Variants in GRM7 observed in about 807,000 individuals in gnomAD.
GRM7 encodes glutamate metabotropic receptor 7.
In GRM7, 35 loss-of-function variants were observed where a neutral mutation model predicts 84.5. The observed-to-expected ratio is 0.41, with a 90% CI of 0.32 to 0.55. GRM7 has a LOEUF of 0.55. Ranked by LOEUF, GRM7 falls within the 20% of genes least tolerant of loss-of-function variation. GRM7 has a pLI of 0.19. For missense variants in GRM7, 1,003 were observed against 1,194.6 expected, an observed-to-expected ratio of 0.84 and a Z score of 2.36; for synonymous variants, 487 against 455.1, an observed-to-expected ratio of 1.07 and a Z score of -0.89.
In GRM7 at chr3:7,512,799, A is replaced by AT. The variant is rs533363410; in HGVS notation, c.1515+51077_1515+51078insT. Among the ~76,000 whole-genome samples the AT allele has an allele frequency of 4.7e-4, 71 of 152,214 alleles. No individual in the cohort carries two copies. The South Asian group carries it at 0.015, about 31-fold the overall frequency. On this transcript the variant is annotated intron_variant, in intron 7 of 9. Coordinates refer to ENST00000357716, the MANE Select transcript of GRM7 (RefSeq NM_000844.4). The stretch of plus-strand genomic sequence containing the variant: ...CAGCTGGTGCTTTGAGAAGGAGAAG[A>AT]CAGACGTTTTTGGGGGAGTGCAGAA...
At chr3:6,887,515 A>C (rs1341784599) in intron 1 of GRM7, among the ~76,000 whole-genome samples, 4 of 152,170 alleles carry the variant, frequency 2.6e-5, no homozygotes, top group African/African-American at 7.2e-5. Flanking sequence ...TTTACTGAGA[A>C]TGATGATTTC....
chr3:6,881,921 T>TTGTG (rs3060190), intron 1 of GRM7, among the ~76,000 whole-genome samples: 8,400 of 144,606 alleles, frequency 0.058, 243 homozygotes, highest in South Asian at 0.11. Context: ...GGCAATTGAA[T>TTGTG]TGTGTGTGTG....
intron 8 of GRM7, among the ~76,000 whole-genome samples, chr3:7,606,149 T>C (rs1045742517): frequency 3.9e-5 from 6 of 152,252 alleles, no homozygotes; most frequent in African/African-American, 1.4e-4. Flanking sequence ...TTAATATTCT[T>C]CAATGCAAAT....
At chr3:7,200,932 A>C (rs1309459715) in intron 2 of GRM7, among the ~76,000 whole-genome samples, 1 of 149,026 alleles carries the variant, frequency 6.7e-6, no homozygotes, top group East Asian at 2.0e-4. Context: ...ACTGCATTTT[A>C]GGAAACACTG....
chr3:7,030,154 TA>T (rs1250710075), intron 1 of GRM7, among the ~76,000 whole-genome samples: 13 of 152,126 alleles, frequency 8.5e-5, no homozygotes, highest in African/African-American at 2.9e-4. Context: ...TGAGGAATAT[TA>T]AGATAATAAT....
intron 1 of GRM7, among the ~76,000 whole-genome samples, chr3:7,028,934 G>C (rs1696080209): frequency 6.6e-6 from 1 of 152,204 alleles, no homozygotes; most frequent in South Asian, 2.1e-4. Context: ...CCTGTGCACT[G>C]CTGTTGGGAA....
Position 7,079,024 on chromosome 3 carries a change from T to C in GRM7, c.520-67428T>C, listed in dbSNP as rs549546048. Among the ~76,000 whole-genome samples, 31 of 152,242 alleles carry C rather than the reference T, an allele frequency of 2.0e-4. No individual in the cohort carries two copies. In the South Asian group the frequency reaches 2.3e-3, roughly 11 times the overall value. On this transcript the variant is annotated intron_variant, in intron 1 of 9. Coordinates refer to ENST00000357716, the MANE Select transcript of GRM7 (RefSeq NM_000844.4). ...AAACATATTCTTGGTTAATCAGAAA[T>C]TTAAGAAAACATGAATGCTGCATTC...
At chr3:6,979,904 A>G (rs549879620) in intron 1 of GRM7, among the ~76,000 whole-genome samples, 37 of 152,296 alleles carry the variant, frequency 2.4e-4, no homozygotes, top group African/African-American at 8.7e-4. Context: ...CTTTTTCTCC[A>G]ATATATACTG....
intron 1 of GRM7, among the ~76,000 whole-genome samples, chr3:6,977,132 C>A (rs976319839): frequency 6.6e-6 from 1 of 152,074 alleles, no homozygotes; most frequent in Non-Finnish European, 1.5e-5. Flanking sequence ...GAAGTTGTGG[C>A]GAAACCAAGT....
chr3:7,470,489 A>G (rs1056060540), intron 7 of GRM7, among the ~76,000 whole-genome samples: 4 of 152,180 alleles, frequency 2.6e-5, no homozygotes, highest in Admixed American at 2.6e-4. Context: ...CTAGGAATCA[A>G]TGGTGTATAA....
At chr3:7,422,226 GA>G (rs1339302702) in intron 5 of GRM7, among the ~76,000 whole-genome samples, 3 of 152,138 alleles carry the variant, frequency 2.0e-5, no homozygotes, top group Non-Finnish European at 4.4e-5. Context: ...GGCTGTTTCT[GA>G]CACAACTACT....
intron 1 of GRM7, among the ~76,000 whole-genome samples, chr3:7,110,878 C>A (rs1692826137): frequency 6.6e-6 from 1 of 151,930 alleles, no homozygotes; most frequent in Non-Finnish European, 1.5e-5. Flanking sequence ...GAGGAACATT[C>A]AACACAGCAT....
At chr3:7,195,183 C>G (rs574091136) in intron 2 of GRM7, among the ~76,000 whole-genome samples, 2 of 152,248 alleles carry the variant, frequency 1.3e-5, no homozygotes, top group Admixed American at 1.3e-4. Context: ...AAAAGTCTTG[C>G]AGGCATTGCA....
chr3:7,388,246 T>C lies in GRM7; in HGVS notation c.1034-26777T>C, dbSNP rs75726950. 4.3e-3 allele frequency among the ~76,000 whole-genome samples: 659 copies of C among 152,260 alleles called. 3 individuals carry two copies. Among genetic ancestry groups the C allele is most frequent in the African/African-American group, 0.015 (609 of 41,578 alleles). Reference sequence around the variant, plus strand: ...CATATCATCAGTGAAGAGAAAGAGTTTGACTTCCTCCTTTTCCTACTTGGA... The same window carrying C: ...CATATCATCAGTGAAGAGAAAGAGTCTGACTTCCTCCTTTTCCTACTTGGA... On this transcript the variant is annotated intron_variant, in intron 4 of 9. Transcript: ENST00000357716.
At chr3:7,035,706 T>A (rs1696363127) in intron 1 of GRM7, among the ~76,000 whole-genome samples, 1 of 152,138 alleles carries the variant, frequency 6.6e-6, no homozygotes, top group Non-Finnish European at 1.5e-5. Context: ...GTCTTAGAAA[T>A]ATTCATGGGC....
At chr3:7,550,751 G>A (rs900542848) in intron 7 of GRM7, among the ~76,000 whole-genome samples, 2 of 151,844 alleles carry the variant, frequency 1.3e-5, no homozygotes, top group East Asian at 1.9e-4. Flanking sequence ...ACTCAGGTAC[G>A]CTGGTGTTTG....
intron 4 of GRM7, among the ~76,000 whole-genome samples, chr3:7,322,437 T>C (rs957048947): frequency 3.3e-5 from 5 of 152,024 alleles, no homozygotes; most frequent in African/African-American, 9.7e-5. Flanking sequence ...GAACAGGTTT[T>C]TTTTTGTTGT....
At chr3:7,126,341 A>G (rs1693398590) in intron 1 of GRM7, among the ~76,000 whole-genome samples, 2 of 152,224 alleles carry the variant, frequency 1.3e-5, no homozygotes, top group Non-Finnish European at 2.9e-5. Context: ...AAGTAGATCA[A>G]CAGAGGTCAA....
chr3:7,107,060 A>G (rs1692678924), intron 1 of GRM7, among the ~76,000 whole-genome samples: 1 of 152,016 alleles, frequency 6.6e-6, no homozygotes, highest in South Asian at 2.1e-4. Context: ...GGGCTATGAC[A>G]CCTGAGGGAC....
Sources: allele counts gnomAD v4.1 joint callset (sites outside exome capture counted in the v4.1 genomes callset), GRCh38; gene constraint gnomAD v4.1.1; transcripts MANE v1.5; gene names NCBI Gene and HGNC (gene_info 2026-07-23, HGNC 2026-07-21).